ARHGAP15: variants seen among roughly 807,000 people sequenced by gnomAD.
ARHGAP15 encodes the protein rho GTPase-activating protein 15.
In ARHGAP15, 51 loss-of-function variants were observed where a neutral mutation model predicts 63.7. That is an observed-to-expected ratio of 0.80 (90% CI 0.64 to 1.01). ARHGAP15 has a LOEUF of 1.01. Ranked by LOEUF, ARHGAP15 falls within the 50% of genes least tolerant of loss-of-function variation. ARHGAP15 has a pLI of 0.00. For missense variants in ARHGAP15, 560 were observed against 564.6 expected, an observed-to-expected ratio of 0.99 and a Z score of 0.08; for synonymous variants, 191 against 193.8, an observed-to-expected ratio of 0.99 and a Z score of 0.12.
chr2:143,528,218 G>T (rs1476899481), intron 10 of ARHGAP15, among the ~76,000 whole-genome samples: 2 of 152,022 alleles, frequency 1.3e-5, no homozygotes, highest in African/African-American at 4.8e-5. Flanking sequence ...TGGTAACTAT[G>T]ACTTGTAATT....
chr2:143,603,935 A>G (rs867660878), intron 11 of ARHGAP15, among the ~76,000 whole-genome samples: 7 of 152,222 alleles, frequency 4.6e-5, no homozygotes, highest in Non-Finnish European at 7.3e-5. Flanking sequence ...AAAGAAGCCC[A>G]TAAATGAAAT....
chr2:143,695,966 C>T (rs1226199537), intron 12 of ARHGAP15, among the ~76,000 whole-genome samples: 1 of 151,972 alleles, frequency 6.6e-6, no homozygotes, highest in Non-Finnish European at 1.5e-5. Flanking sequence ...GATACAGCCA[C>T]ATGAGAAAGA....
chr2:143,228,705 T>C, intron 5 of ARHGAP15, 37 bp downstream of exon 5: 1 of 1,417,764 alleles, frequency 7.1e-7, no homozygotes, highest in Non-Finnish European at 9.5e-7. Flanking sequence ...AAATATCTTT[T>C]CAGAAATATT....
At chr2:143,637,845 T>A (rs1046499285) in intron 12 of ARHGAP15, among the ~76,000 whole-genome samples, 2 of 151,252 alleles carry the variant, frequency 1.3e-5, no homozygotes, top group African/African-American at 4.9e-5. Flanking sequence ...GCGAAGGACA[T>A]GAACAGACAC....
At chr2:143,514,724 G>A (rs1305199780) in intron 9 of ARHGAP15, among the ~76,000 whole-genome samples, 1 of 152,148 alleles carries the variant, frequency 6.6e-6, no homozygotes, top group Non-Finnish European at 1.5e-5. Context: ...TAAGCTGCAG[G>A]TCTGACTGGA....
chr2:143,583,656 C>T (rs1313025684), intron 11 of ARHGAP15, among the ~76,000 whole-genome samples: 1 of 152,110 alleles, frequency 6.6e-6, no homozygotes, highest in East Asian at 1.9e-4. Context: ...CTGTTTGGGA[C>T]ATTTCTAAGA....
At chr2:143,440,453 T>A (rs924691340) in intron 8 of ARHGAP15, among the ~76,000 whole-genome samples, 1 of 152,198 alleles carries the variant, frequency 6.6e-6, no homozygotes, top group Non-Finnish European at 1.5e-5. Flanking sequence ...TGCCTTTGGC[T>A]TCCTGTGCCC....
At chr2:143,419,374 T>C (rs1688817110) in intron 6 of ARHGAP15, among the ~76,000 whole-genome samples, 1 of 152,148 alleles carries the variant, frequency 6.6e-6, no homozygotes, top group South Asian at 2.1e-4. Context: ...TTATTTGACC[T>C]AGTAATTCTA....
At chr2:143,263,323 A>G (rs1306351505) in intron 6 of ARHGAP15, among the ~76,000 whole-genome samples, 2 of 152,154 alleles carry the variant, frequency 1.3e-5, no homozygotes, top group Non-Finnish European at 2.9e-5. Context: ...GAGACACCAT[A>G]ATCAGAGAAA....
chr2:143,384,668 T>C lies in ARHGAP15; in HGVS notation c.475-50933T>C, dbSNP rs796086290. ...TTGGATATTCAAAATAGCTGTCTCT[T>C]TTCTTGGCGTCATTCAGGAATCACC... On this transcript the variant is annotated intron_variant, in intron 6 of 13. Coordinates refer to ENST00000295095, the MANE Select transcript of ARHGAP15 (RefSeq NM_018460.4). Among the ~76,000 whole-genome samples, 5 of 152,300 alleles carry C rather than the reference T, an allele frequency of 3.3e-5. No individual in the cohort carries two copies. In the East Asian group the frequency reaches 7.7e-4, roughly 24 times the overall value.
In ARHGAP15 at chr2:143,132,820, A is replaced by G. The variant is rs1688965441; in HGVS notation, c.-15+3354A>G. On this transcript the variant is annotated intron_variant, in intron 1 of 13. Coordinates refer to ENST00000295095, the MANE Select transcript of ARHGAP15 (RefSeq NM_018460.4). ...CAACTTCTTCAAATTCCATAATTGT[A>G]CAAAAATACAGTTTTAATTGAAAGG... Among the ~76,000 whole-genome samples the G allele has an allele frequency of 2.0e-5, 3 of 152,262 alleles. No individual in the cohort carries two copies. In the South Asian group the frequency reaches 6.2e-4, roughly 31 times the overall value.
In ARHGAP15 at chr2:143,703,418, G is replaced by T; in HGVS notation, c.1139-1G>T. 1.3e-6 allele frequency: 2 copies of T among 1,592,644 alleles called. No homozygotes were observed. Among genetic ancestry groups the T allele is most frequent in the South Asian group, 1.2e-5 (1 of 86,734 alleles). ...ACCTTCCTTTTTATTTTTTTTTCCA[G>T]AAAAGCAAGACAACAACACAAGAAT... On this transcript the variant is annotated splice_acceptor_variant, in intron 12 of 13. Transcript: ENST00000295095. LOFTEE classifies it high-confidence loss of function.
In ARHGAP15 at chr2:143,703,521, CTAAG is replaced by C. The variant is rs1457588257; in HGVS notation, c.1244+3_1244+6del. The stretch of plus-strand genomic sequence containing the variant: ...ATGAAAGTCCTCTTTGGACATCTAA[CTAAG>C]TAAGTTGTAAGGATTTCTGGATGTG... On this transcript the variant is annotated splice_donor_variant and coding_sequence_variant, in exon 13 of 14. Transcript: ENST00000295095. LOFTEE classifies it high-confidence loss of function. The C allele has an allele frequency of 6.2e-6, 10 of 1,603,158 alleles. No individual in the cohort carries two copies. Among genetic ancestry groups the C allele is most frequent in the Non-Finnish European group, 6.8e-6 (8 of 1,175,062 alleles).
In ARHGAP15 at chr2:143,431,555, A is replaced by G. The variant is rs16822539; in HGVS notation, c.475-4046A>G. On this transcript the variant is annotated intron_variant, in intron 6 of 13. Coordinates refer to ENST00000295095, the MANE Select transcript of ARHGAP15 (RefSeq NM_018460.4). ...ACGTATCATGACCACCAGTTTATGC[A>G]TACTTTCATGATGTAAATGTGCCTG... Among the ~76,000 whole-genome samples the G allele has an allele frequency of 8.5e-3, 1,299 of 152,162 alleles. 14 individuals are homozygous for G. The highest frequency in any genetic ancestry group is 0.055 in the East Asian group (287 of 5,174).
intron 12 of ARHGAP15, among the ~76,000 whole-genome samples, chr2:143,677,071 T>A (rs776303343): frequency 3.3e-5 from 5 of 152,222 alleles, no homozygotes; most frequent in Non-Finnish European, 7.3e-5. Flanking sequence ...ATGTTTCAGT[T>A]TGTGTTATTG....
chr2:143,736,673 T>G (rs1685757999), intron 13 of ARHGAP15, among the ~76,000 whole-genome samples: 1 of 152,222 alleles, frequency 6.6e-6, no homozygotes, highest in African/African-American at 2.4e-5. Context: ...ACATAAGTTT[T>G]CAAAAATTAA....
intron 11 of ARHGAP15, among the ~76,000 whole-genome samples, chr2:143,574,410 G>A (rs889617150): frequency 5.3e-5 from 8 of 151,962 alleles, no homozygotes; most frequent in African/African-American, 1.7e-4. Context: ...TTGTTTATTG[G>A]CTGATTCTCA....
intron 11 of ARHGAP15, among the ~76,000 whole-genome samples, chr2:143,579,438 G>A (rs1330469747): frequency 5.3e-5 from 8 of 152,112 alleles, no homozygotes; most frequent in African/African-American, 1.4e-4. Flanking sequence ...CTTGCAAAAC[G>A]TCATTTAGTT....
chr2:143,352,851 G>A (rs1029368591), intron 6 of ARHGAP15, among the ~76,000 whole-genome samples: 6 of 152,174 alleles, frequency 3.9e-5, no homozygotes, highest in Middle Eastern at 3.4e-3. Context: ...CATCCTTTGC[G>A]AATTGAATAG....
Sources: allele counts gnomAD v4.1 joint callset (sites outside exome capture counted in the v4.1 genomes callset), GRCh38; gene constraint gnomAD v4.1.1; transcripts MANE v1.5; gene names NCBI Gene and HGNC (gene_info 2026-07-23, HGNC 2026-07-21).